The following CRTAM variants were observed in gnomAD, a reference collection of about 807,000 sequenced individuals.
CRTAM encodes cytotoxic and regulatory T-cell molecule.
CRTAM carries 44 observed loss-of-function variants against 50.0 expected under a neutral mutation model. That is an observed-to-expected ratio of 0.88 (90% CI 0.69 to 1.13). The LOEUF is 1.13. Among genes scored for constraint, CRTAM ranks in the 50% most tolerant of loss-of-function variants. The probability of loss-of-function intolerance (pLI) is 0.00; values close to 1 mark genes in which losing one functional copy is unlikely to be tolerated. For missense variants in CRTAM, 448 were observed against 457.5 expected, an observed-to-expected ratio of 0.98 and a Z score of 0.19; for synonymous variants, 159 against 169.3, an observed-to-expected ratio of 0.94 and a Z score of 0.47.
chr11:122,840,532 A>G (rs990408317), intron 1 of CRTAM, among the ~76,000 whole-genome samples: 4 of 152,140 alleles, frequency 2.6e-5, no homozygotes, highest in Non-Finnish European at 5.9e-5. Flanking sequence ...AAAAAGTCCT[A>G]TTTGAAAACT....
chr11:122,862,630 A>T, intron 6 of CRTAM, 86 bp downstream of exon 6: 1 of 919,922 alleles, frequency 1.1e-6, no homozygotes, highest in Non-Finnish European at 1.7e-6. Flanking sequence ...TTTTAAGAAT[A>T]TTTTTTGTTT....
At chr11:122,847,593 C>T (rs1249169616) in intron 1 of CRTAM, among the ~76,000 whole-genome samples, 2 of 152,144 alleles carry the variant, frequency 1.3e-5, no homozygotes, top group Non-Finnish European at 2.9e-5. Context: ...TGTTACAGCT[C>T]AAGAGTGAAA....
chr11:122,839,033 T>A (rs1861767856), intron 1 of CRTAM, among the ~76,000 whole-genome samples: 1 of 152,034 alleles, frequency 6.6e-6, no homozygotes, highest in Non-Finnish European at 1.5e-5. Flanking sequence ...GGTTCACGCC[T>A]TTCTCCTGCC....
At chr11:122,865,408 CT>C (rs66855407) in intron 7 of CRTAM, among the ~76,000 whole-genome samples, 61,369 of 151,162 alleles carry the variant, frequency 0.41, 15,215 homozygotes, top group Middle Eastern at 0.57. Flanking sequence ...AAAGATTTCT[CT>C]CTTTTTTTTT....
At position 122,862,546 on chromosome 11, in the gene CRTAM, TAAG is replaced by T; in HGVS notation, c.733+3_733+5del. ...ACCCACAGCAGCCCACCAGTACTGGTAAGTGTCAAAATCATTCAAACTTGTTTT... is the reference window on the plus strand; with the variant it reads ...ACCCACAGCAGCCCACCAGTACTGGTTGTCAAAATCATTCAAACTTGTTTT... On this transcript the variant is annotated splice_donor_5th_base_variant and intron_variant, in intron 6 of 9. Coordinates refer to ENST00000227348, the MANE Select transcript of CRTAM (RefSeq NM_019604.4). The T allele has an allele frequency of 7.0e-6, 11 of 1,563,238 alleles. No individual in the cohort carries two copies. Among genetic ancestry groups the T allele is most frequent in the Non-Finnish European group, 9.6e-6 (11 of 1,140,580 alleles).
chr11:122,872,027 T>G lies in CRTAM; in HGVS notation c.*628T>G, dbSNP rs902243488. ...GTGCGCACCTGTAGTCTCAGATACT[T>G]GGGAGGCTGAGGGTGGAGAATCGCT... On this transcript the variant is annotated 3_prime_UTR_variant, in exon 10 of 10. Transcript: ENST00000227348. 2 of 152,056 alleles carry G rather than the reference T, an allele frequency of 1.3e-5. No individual in the cohort carries two copies. The highest frequency in any genetic ancestry group is 2.9e-5 in the Non-Finnish European group (2 of 68,050). 9.4% of individuals were successfully genotyped at this position (152,056 alleles called of 1,614,324 possible).
chr11:122,857,798 A>G (rs1357610697), intron 5 of CRTAM, among the ~76,000 whole-genome samples: 1 of 152,234 alleles, frequency 6.6e-6, no homozygotes, highest in Non-Finnish European at 1.5e-5. Flanking sequence ...CACCAGGACT[A>G]GGGTGGTCCT....
At chr11:122,865,694 A>T (rs1195298922) in intron 7 of CRTAM, among the ~76,000 whole-genome samples, 3 of 151,956 alleles carry the variant, frequency 2.0e-5, no homozygotes, top group African/African-American at 7.3e-5. Flanking sequence ...ATTTCCCCAA[A>T]CTCAACATTG....
chr11:122,840,511 G>T (rs1242996307), intron 1 of CRTAM, among the ~76,000 whole-genome samples: 2 of 152,070 alleles, frequency 1.3e-5, no homozygotes, highest in African/African-American at 4.8e-5. Flanking sequence ...CAATTTGGAG[G>T]ATTCAATATT....
chr11:122,861,806 G>A (rs1458843348), intron 5 of CRTAM, among the ~76,000 whole-genome samples: 1 of 151,974 alleles, frequency 6.6e-6, no homozygotes. Context: ...GGATGTGGCT[G>A]GTAAAACCTG....
At chr11:122,854,600 T>C (rs1861980786) in intron 4 of CRTAM, among the ~76,000 whole-genome samples, 1 of 149,922 alleles carries the variant, frequency 6.7e-6, no homozygotes, top group African/African-American at 2.5e-5. Flanking sequence ...GTGGAGGTTG[T>C]GGTGTGAGCC....
At chr11:122,862,385 C>T in intron 5 of CRTAM, 79 bp from the exon 6 acceptor site, 1 of 898,320 alleles carries the variant, frequency 1.1e-6, no homozygotes, top group Non-Finnish European at 1.9e-6. Flanking sequence ...TAAATATATT[C>T]TCCAATCTCT....
At chr11:122,855,169 C>A (rs974032238) in intron 4 of CRTAM, among the ~76,000 whole-genome samples, 6 of 152,308 alleles carry the variant, frequency 3.9e-5, no homozygotes, top group Admixed American at 2.6e-4. Flanking sequence ...GTCTCGAACC[C>A]CTGACCTCAG....
intron 1 of CRTAM, among the ~76,000 whole-genome samples, chr11:122,842,887 T>C (rs1393692025): frequency 1.3e-5 from 2 of 152,126 alleles, no homozygotes; most frequent in African/African-American, 4.8e-5. Context: ...ATGGGGACAG[T>C]AGAGATAACG....
At chr11:122,860,665 T>C (rs906411823) in intron 5 of CRTAM, among the ~76,000 whole-genome samples, 1 of 152,208 alleles carries the variant, frequency 6.6e-6, no homozygotes, top group African/African-American at 2.4e-5. Flanking sequence ...TAAATCACTA[T>C]TGATAAATTT....
intron 3 of CRTAM, 51 bp downstream of exon 3, chr11:122,851,896 G>T (rs1234689389): frequency 6.4e-7 from 1 of 1,554,000 alleles, no homozygotes; most frequent in African/African-American, 1.4e-5. Context: ...ATAGGAACAC[G>T]ATATGTCGTT....
intron 5 of CRTAM, among the ~76,000 whole-genome samples, chr11:122,856,173 C>A (rs182258093): frequency 3.3e-5 from 5 of 152,350 alleles, no homozygotes; most frequent in Admixed American, 3.3e-4. Flanking sequence ...TCATATGAAT[C>A]ATACTGCATC....
At chr11:122,867,667 A>G in intron 8 of CRTAM, 112 bp downstream of exon 8, 1 of 1,069,890 alleles carries the variant, frequency 9.3e-7, no homozygotes, top group Non-Finnish European at 1.3e-6. Context: ...AATCTATTTG[A>G]TAAGTGCTGT....
intron 7 of CRTAM, among the ~76,000 whole-genome samples, chr11:122,866,983 A>C (rs767751589): frequency 2.0e-5 from 3 of 152,166 alleles, no homozygotes; most frequent in Non-Finnish European, 4.4e-5. Context: ...CCTAACCAAG[A>C]TAAATAAATT....
Sources: allele counts gnomAD v4.1 joint callset (sites outside exome capture counted in the v4.1 genomes callset), GRCh38; gene constraint gnomAD v4.1.1; transcripts MANE v1.5; gene names NCBI Gene and HGNC (gene_info 2026-07-23, HGNC 2026-07-21).